Variants in KCNIP4 observed in about 807,000 individuals in gnomAD.
KCNIP4 encodes potassium voltage-gated channel interacting protein 4.
A neutral mutation model predicts 34.0 loss-of-function variants in KCNIP4; 12 were observed. The observed-to-expected ratio is 0.35, with a 90% CI of 0.23 to 0.57. The LOEUF is 0.57. KCNIP4 is among the 20% of genes least tolerant of loss of function. KCNIP4 has a pLI of 0.83. For synonymous variants in KCNIP4, 124 were observed against 102.2 expected (o/e 1.21, Z -1.29); for missense variants, 238 against 311.7 (o/e 0.76, Z 1.78).
At chr4:21,643,441 T>C (rs569518096) in intron 1 of KCNIP4, among the ~76,000 whole-genome samples, 1 of 152,236 alleles carries the variant, frequency 6.6e-6, no homozygotes, top group African/African-American at 2.4e-5. Context: ...TGGAGATTAA[T>C]TTTGGTTTAA....
chr4:20,883,570 G>A (rs1010803199), intron 1 of KCNIP4, among the ~76,000 whole-genome samples: 1 of 152,030 alleles, frequency 6.6e-6, no homozygotes, highest in Non-Finnish European at 1.5e-5. Context: ...CATGTTAATA[G>A]GTAACTAGCC....
rs1404975087 is a variant in KCNIP4 at position 21,694,937 on chromosome 4, T to TAA, written c.61+253632_61+253633dup. Among the ~76,000 whole-genome samples the TAA allele has an allele frequency of 8.6e-4, 55 of 64,280 alleles. 6 individuals are homozygous for TAA. The highest frequency in any genetic ancestry group is 3.8e-3 in the African/African-American group (54 of 14,240). 42.2% of individuals were successfully genotyped at this position (64,280 alleles called of 152,430 possible). On this transcript the variant is annotated intron_variant, in intron 1 of 8. Transcript: ENST00000382152. Reference sequence around the variant, plus strand: ...ACCAAAAAAAAAAAAAAAATAAAAATAAATAAATAAATAAAGGGCTTTTTG... The same window carrying TAA: ...ACCAAAAAAAAAAAAAAAATAAAAATAAAAATAAATAAATAAAGGGCTTTTTG...
At chr4:21,143,170 C>T (rs374673872) in intron 1 of KCNIP4, among the ~76,000 whole-genome samples, 1 of 152,254 alleles carries the variant, frequency 6.6e-6, no homozygotes, top group East Asian at 1.9e-4. Flanking sequence ...TCAGTTGACC[C>T]TAAAATACAG....
intron 3 of KCNIP4, among the ~76,000 whole-genome samples, chr4:20,792,878 C>T (rs1421940674): frequency 6.6e-6 from 1 of 152,130 alleles, no homozygotes. Context: ...GTTTATAGGA[C>T]ACTTGAGCAG....
intron 1 of KCNIP4, among the ~76,000 whole-genome samples, chr4:21,541,361 C>T (rs1209743083): frequency 6.6e-6 from 1 of 152,082 alleles, no homozygotes; most frequent in African/African-American, 2.4e-5. Context: ...CATTCCTATG[C>T]TGATAAACCT....
intron 5 of KCNIP4, 26 bp downstream of exon 5, chr4:20,749,636 T>G: frequency 6.7e-7 from 1 of 1,498,462 alleles, no homozygotes; most frequent in South Asian, 1.2e-5. Flanking sequence ...AATAGTCAAA[T>G]GATATGAAAA....
chr4:21,184,136 T>C (rs2109330751), intron 1 of KCNIP4, among the ~76,000 whole-genome samples: 1 of 152,228 alleles, frequency 6.6e-6, no homozygotes, highest in Middle Eastern at 3.4e-3. Flanking sequence ...CAGGTGACCA[T>C]GGCAAGTTAC....
chr4:20,880,323 A>G (rs947487814), intron 2 of KCNIP4, among the ~76,000 whole-genome samples: 6 of 152,046 alleles, frequency 3.9e-5, no homozygotes, highest in African/African-American at 1.4e-4. Flanking sequence ...CACCTTTCCA[A>G]CCCTGGAGGA....
intron 1 of KCNIP4, among the ~76,000 whole-genome samples, chr4:21,765,414 G>A (rs1400631826): frequency 6.6e-6 from 1 of 152,018 alleles, no homozygotes; most frequent in Non-Finnish European, 1.5e-5. Context: ...GTGTGTAACT[G>A]TGTGCGCATG....
chr4:21,278,110 T>C (rs1279635999), intron 1 of KCNIP4, among the ~76,000 whole-genome samples: 2 of 152,166 alleles, frequency 1.3e-5, no homozygotes, highest in Admixed American at 6.5e-5. Flanking sequence ...ACTTTCTTTC[T>C]TGGGAAGTAA....
chr4:20,840,100 T>A (rs891967743), intron 3 of KCNIP4, among the ~76,000 whole-genome samples: 99 of 152,192 alleles, frequency 6.5e-4, no homozygotes, highest in African/African-American at 2.2e-3. Flanking sequence ...GTACTGAACG[T>A]CTAATGGCTT....
At chr4:21,386,958 C>A (rs1722087462) in intron 1 of KCNIP4, among the ~76,000 whole-genome samples, 1 of 152,154 alleles carries the variant, frequency 6.6e-6, no homozygotes, top group African/African-American at 2.4e-5. Flanking sequence ...ACTTTGAATT[C>A]TCATTTTAGT....
At chr4:21,848,609 A>G (rs1446675232) in intron 1 of KCNIP4, 2 of 152,134 alleles carry the variant, frequency 1.3e-5, no homozygotes, top group Non-Finnish European at 2.9e-5. Flanking sequence ...CTTGATCATG[A>G]TTTTTGTTAT....
intron 1 of KCNIP4, among the ~76,000 whole-genome samples, chr4:21,670,363 T>C (rs543664164): frequency 1.3e-3 from 184 of 141,608 alleles, no homozygotes; most frequent in Middle Eastern, 4.0e-3. Context: ...TAGGTGGGAA[T>C]TGAACAATGA....
chr4:21,221,252 C>A (rs565390454), intron 1 of KCNIP4, among the ~76,000 whole-genome samples: 1 of 152,140 alleles, frequency 6.6e-6, no homozygotes, highest in African/African-American at 2.4e-5. Context: ...CATCTCCTAG[C>A]ATAATGCCTG....
At chr4:21,697,378 G>C in intron 1 of KCNIP4, 2 of 1,531,474 alleles carry the variant, frequency 1.3e-6, no homozygotes, top group South Asian at 2.6e-5. Context: ...TTAATAGTCT[G>C]AGAAGGTACT....
In KCNIP4 at chr4:21,023,011, C is replaced by T. The variant is rs181961653; in HGVS notation, c.62-140302G>A. ...CTAATTTTTGTATTTTTAGTAGAGACAGGGTTTCACCATGTTGGTCAGGCT... is the reference window on the plus strand; with the variant it reads ...CTAATTTTTGTATTTTTAGTAGAGATAGGGTTTCACCATGTTGGTCAGGCT... On this transcript the variant is annotated intron_variant, in intron 1 of 8. Transcript: ENST00000382152. Among the ~76,000 whole-genome samples the T allele has an allele frequency of 1.9e-3, 287 of 152,052 alleles. 6 individuals are homozygous for T. The South Asian group carries it at 0.053, about 28-fold the overall frequency.
intron 1 of KCNIP4, among the ~76,000 whole-genome samples, chr4:21,093,180 G>C (rs1166637324): frequency 6.6e-6 from 1 of 152,168 alleles, no homozygotes; most frequent in African/African-American, 2.4e-5. Flanking sequence ...ACAACTGTGA[G>C]TTGTACATGA....
chr4:21,398,880 T>C (rs890638098), intron 1 of KCNIP4, among the ~76,000 whole-genome samples: 3 of 152,194 alleles, frequency 2.0e-5, no homozygotes, highest in Non-Finnish European at 2.9e-5. Context: ...CTTCTTTTTA[T>C]ACCTGTGTAA....
Sources: gnomAD v4.1 joint callset for allele counts (sites outside exome capture counted in the v4.1 genomes callset) on GRCh38, gnomAD v4.1.1 for gene constraint, MANE v1.5 for transcripts, NCBI Gene and HGNC (gene_info 2026-07-23, HGNC 2026-07-21) for gene names.